Variants in DDX4 observed in about 807,000 individuals in gnomAD.
The protein encoded by DDX4 is probable ATP-dependent RNA helicase DDX4.
In DDX4, 25 loss-of-function variants were observed where a neutral mutation model predicts 100.0. The observed-to-expected ratio is 0.25, with a 90% CI of 0.18 to 0.35. The LOEUF is 0.35. DDX4 is among the 10% of genes least tolerant of loss of function. DDX4 has a pLI of 1.00. For missense variants in DDX4, 635 were observed against 882.4 expected, an observed-to-expected ratio of 0.72 and a Z score of 3.55; for synonymous variants, 259 against 275.7, an observed-to-expected ratio of 0.94 and a Z score of 0.60.
At chr5:55,764,830 T>C (rs1207221868) in intron 6 of DDX4, among the ~76,000 whole-genome samples, 6 of 152,212 alleles carry the variant, frequency 3.9e-5, no homozygotes, top group Non-Finnish European at 7.3e-5. Flanking sequence ...TTAGGCAGGC[T>C]AAGTGAGAAT....
At chr5:55,748,336 C>T (rs1464871447) in intron 3 of DDX4, among the ~76,000 whole-genome samples, 1 of 152,068 alleles carries the variant, frequency 6.6e-6, no homozygotes, top group Non-Finnish European at 1.5e-5. Context: ...CTATTTACAT[C>T]GATTGCTGTG....
Position 55,788,190 on chromosome 5 carries a change from A to G in DDX4, c.1172+190A>G, listed in dbSNP as rs531891950. 2.0e-5 allele frequency among the ~76,000 whole-genome samples: 3 copies of G among 152,264 alleles called. No individual in the cohort carries two copies. In the East Asian group the frequency reaches 5.8e-4, roughly 29 times the overall value. ...AATATGCTTATTAAAAATTAGGTTA[A>G]TAGGTTGGACTTGGTGGCTCATGAC... On this transcript the variant is annotated intron_variant, in intron 15 of 21. Coordinates refer to ENST00000505374, the MANE Select transcript of DDX4 (RefSeq NM_024415.3).
intron 3 of DDX4, among the ~76,000 whole-genome samples, chr5:55,759,532 C>T (rs2111771092): frequency 6.6e-6 from 1 of 152,192 alleles, no homozygotes; most frequent in East Asian, 1.9e-4. Context: ...TCTACATGGC[C>T]AGTTTATAAA....
At chr5:55,775,638 T>C (rs1741514002) in intron 7 of DDX4, among the ~76,000 whole-genome samples, 1 of 152,206 alleles carries the variant, frequency 6.6e-6, no homozygotes, top group Admixed American at 6.5e-5. Flanking sequence ...ATATAATAAC[T>C]ATCTGGTAAG....
At chr5:55,760,339 T>C in intron 4 of DDX4, 62 bp downstream of exon 4, 3 of 1,463,706 alleles carry the variant, frequency 2.0e-6, no homozygotes, top group Non-Finnish European at 2.7e-6. Context: ...TATAGAGGCT[T>C]TCATGGCCAT....
At chr5:55,778,834 C>T (rs900466712) in intron 7 of DDX4, among the ~76,000 whole-genome samples, 2 of 150,842 alleles carry the variant, frequency 1.3e-5, no homozygotes, top group African/African-American at 4.9e-5. Flanking sequence ...GCAGAGGTTG[C>T]AGTGAGCCGA....
chr5:55,806,520 TTG>T (rs1475789331), intron 18 of DDX4, among the ~76,000 whole-genome samples: 1 of 152,244 alleles, frequency 6.6e-6, no homozygotes, highest in Non-Finnish European at 1.5e-5. Flanking sequence ...TTCTGGTATG[TTG>T]TGTCTTTGTT....
At position 55,787,983 on chromosome 5, in the gene DDX4, C is replaced by T; in HGVS notation, c.1155C>T (p.Ala385=). The part of the protein sequence containing the change: ...RELVNQIYLE[A]RKFSFGTCVR... ...TGGTCAACCAGATTTATTTGGAAGC[C>T]AGAAAATTTTCTTTTGGGTAAGTAC... is the stretch of plus-strand genomic sequence containing the variant. Residue 385 remains alanine, a synonymous_variant, in exon 15 of 22, where the codon GCC becomes GCT. Coordinates refer to ENST00000505374, the MANE Select transcript of DDX4 (RefSeq NM_024415.3). 5 of 1,612,882 alleles carry T rather than the reference C, an allele frequency of 3.1e-6. No individual in the cohort carries two copies. The highest frequency in any genetic ancestry group is 4.2e-6 in the Non-Finnish European group (5 of 1,179,596).
intron 2 of DDX4, among the ~76,000 whole-genome samples, chr5:55,743,139 C>G (rs1265325463): frequency 6.6e-6 from 1 of 152,146 alleles, no homozygotes; most frequent in Admixed American, 6.5e-5. Context: ...TTCTGGAAGC[C>G]TGAAGTTAAA....
chr5:55,792,007 C>T (rs1353839928), intron 16 of DDX4, among the ~76,000 whole-genome samples: 1 of 151,814 alleles, frequency 6.6e-6, no homozygotes, highest in Non-Finnish European at 1.5e-5. Flanking sequence ...GCCTGTAGCC[C>T]CAGCTACTTG....
chr5:55,753,502 G>T lies in DDX4; in HGVS notation c.128-6698G>T, dbSNP rs1437922783. Among the ~76,000 whole-genome samples, 9 of 152,218 alleles carry T rather than the reference G, an allele frequency of 5.9e-5. 1 individual carries two copies. The East Asian group carries it at 1.7e-3, about 29-fold the overall frequency. On this transcript the variant is annotated intron_variant, in intron 3 of 21. Transcript: ENST00000505374. Reference sequence around the variant, plus strand: ...GTTGTAGATATGCTGCGTTATTTCTGAGGGCTCTGTTCTGTTCCATTGGTC... The same window carrying T: ...GTTGTAGATATGCTGCGTTATTTCTTAGGGCTCTGTTCTGTTCCATTGGTC...
chr5:55,783,913 A>G (rs951992963), intron 10 of DDX4, among the ~76,000 whole-genome samples: 1 of 151,702 alleles, frequency 6.6e-6, no homozygotes, highest in Admixed American at 6.6e-5. Context: ...ATAGGTATAC[A>G]TGTACCATGT....
rs202112137 is a variant in DDX4, at chr5:55,781,089, T to C, written c.520T>C (p.Cys174Arg). ...AGATAATGACTTAGACCCAGACGAATGTATGCAGCGCACTGGTGGCCTTTT... is the reference window on the plus strand; with the variant it reads ...AGATAATGACTTAGACCCAGACGAACGTATGCAGCGCACTGGTGGCCTTTT... ...SPNNDLDPDECMQRTGGLFGS... is the reference protein window; with the variant it reads ...SPNNDLDPDERMQRTGGLFGS... The change falls in exon 9 of 22, where the codon TGT (cysteine) becomes CGT (arginine). Residue 174 changes from cysteine to arginine, a missense_variant. Around this residue, in one of 4 missense-constraint regions of DDX4, gnomAD observed 446 missense variants for 540.8 expected, o/e 0.82. Transcript: ENST00000505374. 9.3e-6 allele frequency: 15 copies of C among 1,611,546 alleles called. No individual in the cohort carries two copies. Among genetic ancestry groups the C allele is most frequent in the Non-Finnish European group, 1.3e-5 (15 of 1,179,396 alleles).
intron 3 of DDX4, among the ~76,000 whole-genome samples, chr5:55,757,817 G>T (rs1201688186): frequency 1.3e-5 from 2 of 152,168 alleles, no homozygotes; most frequent in Non-Finnish European, 2.9e-5. Context: ...GCTGAGGTGG[G>T]TGGATTACTT....
chr5:55,794,987 C>A, intron 17 of DDX4, among the ~76,000 whole-genome samples: 1 of 143,594 alleles, frequency 7.0e-6, no homozygotes, highest in Non-Finnish European at 1.5e-5. Context: ...TTTCTTGAGA[C>A]AGAGTTTCGC....
At chr5:55,786,389 T>A in intron 13 of DDX4, 129 bp from the exon 14 acceptor site, 1 of 613,190 alleles carries the variant, frequency 1.6e-6, no homozygotes, top group Non-Finnish European at 2.8e-6. Flanking sequence ...TGGAGGCATG[T>A]TACTAAAGTC....
At chr5:55,748,210 T>C (rs1759347786) in intron 3 of DDX4, among the ~76,000 whole-genome samples, 1 of 152,260 alleles carries the variant, frequency 6.6e-6, no homozygotes, top group African/African-American at 2.4e-5. Context: ...CTTGGAATCC[T>C]GCCTGCTGAA....
At chr5:55,789,862 TG>T (rs1454004262) in intron 15 of DDX4, among the ~76,000 whole-genome samples, 1 of 152,126 alleles carries the variant, frequency 6.6e-6, no homozygotes, top group Non-Finnish European at 1.5e-5. Flanking sequence ...TTGAAGAATT[TG>T]TATATGTATG....
At chr5:55,761,148 A>G (rs961316611) in intron 4 of DDX4, among the ~76,000 whole-genome samples, 15 of 152,158 alleles carry the variant, frequency 9.9e-5, no homozygotes, top group African/African-American at 3.4e-4. Context: ...TCTGCCACTA[A>G]TAGAAATGAT....
Sources: allele counts gnomAD v4.1 joint callset (sites outside exome capture counted in the v4.1 genomes callset), GRCh38; gene constraint gnomAD v4.1.1; regional missense constraint gnomAD v4.1.1; transcripts MANE v1.5; gene names NCBI Gene and HGNC (gene_info 2026-07-23, HGNC 2026-07-21).